MRTFA: variants seen among roughly 807,000 people sequenced by gnomAD.
MRTFA encodes the protein myocardin-related transcription factor A.
In MRTFA, 20 loss-of-function variants were observed where a neutral mutation model predicts 83.5. The ratio of observed to expected loss-of-function variants is 0.24; its 90% CI spans 0.17 to 0.35. The LOEUF is 0.35. MRTFA is among the 10% of genes least tolerant of loss of function. The probability of loss-of-function intolerance (pLI) is 1.00; values close to 1 mark genes in which losing one functional copy is unlikely to be tolerated. For missense variants in MRTFA, 1,200 were observed against 1,224.7 expected (o/e 0.98, Z 0.30); for synonymous variants, 659 against 541.2 (o/e 1.22, Z -3.02).
chr22:40,579,214 G>A (rs2055911551), intron 2 of MRTFA, among the ~76,000 whole-genome samples: 1 of 152,186 alleles, frequency 6.6e-6, no homozygotes, highest in Admixed American at 6.5e-5. Context: ...CACGTCTTGT[G>A]AAGGCATGCA....
At position 40,410,314 on chromosome 22, in the gene MRTFA, A is replaced by G. The variant is rs2052452684; in HGVS notation, c.*1076T>C. 2.5e-6 allele frequency: 1 copy of G among 407,638 alleles called. No homozygotes were observed. The highest frequency in any genetic ancestry group is 2.1e-5 in the African/African-American group (1 of 48,306). 25.3% of individuals were successfully genotyped at this position (407,638 alleles called of 1,614,324 possible). A position where few individuals can be genotyped will look rare whatever the true frequency, so the allele number is the denominator to read the frequency against. Reference sequence around the variant, plus strand: ...CTGTGTTTTTGTGTTTATTTTAAAAAGTTCACACACCTTCCCCATCTTTGT... The same window carrying G: ...CTGTGTTTTTGTGTTTATTTTAAAAGGTTCACACACCTTCCCCATCTTTGT... On this transcript the variant is annotated 3_prime_UTR_variant, in exon 15 of 15. Coordinates refer to ENST00000355630, the MANE Select transcript of MRTFA (RefSeq NM_020831.6).
At chr22:40,435,390 C>A (rs187156700) in intron 5 of MRTFA, 109 bp downstream of exon 5, 1 of 1,212,634 alleles carries the variant, frequency 8.2e-7, no homozygotes, top group East Asian at 2.3e-5. Flanking sequence ...GTCTAGCAGG[C>A]TCTGGCCTCA....
intron 3 of MRTFA, among the ~76,000 whole-genome samples, chr22:40,535,943 C>G (rs143804633): frequency 1.3e-5 from 2 of 151,982 alleles, no homozygotes; most frequent in East Asian, 3.9e-4. Context: ...CTTAGCAATT[C>G]CACACCCACT....
In MRTFA at chr22:40,430,309, G is replaced by A. The variant is rs552478790; in HGVS notation, c.440-542C>T. ...TCGAGACCAGCCTGATCAATATGGT[G>A]AAACTCTGTCTGTACTAAAAATACA... On this transcript the variant is annotated intron_variant, in intron 6 of 14. Transcript: ENST00000355630. Among the ~76,000 whole-genome samples, 2 of 151,794 alleles carry A rather than the reference G, an allele frequency of 1.3e-5. 1 individual carries two copies. Among genetic ancestry groups the A allele is most frequent in the South Asian group, 4.2e-4 (2 of 4,806 alleles).
Position 40,420,540 on chromosome 22 carries a change from G to T in MRTFA, c.1218C>A (p.Pro406=). The change falls in exon 11 of 15, where the codon CCC becomes CCA. Residue 406 remains proline (P), a synonymous_variant. Transcript: ENST00000355630. ...TGGTAGTGGAGAGGCTGCGTACTGG[G>T]GGGGTCCCGCTGCTTCCCAGGGCCT... 1 of 1,613,660 alleles carries T rather than the reference G, an allele frequency of 6.2e-7. No individual in the cohort carries two copies. The highest frequency in any genetic ancestry group is 1.1e-5 in the South Asian group (1 of 91,078).
intron 3 of MRTFA, among the ~76,000 whole-genome samples, chr22:40,530,118 A>C (rs1044942063): frequency 6.6e-6 from 1 of 152,188 alleles, no homozygotes; most frequent in Non-Finnish European, 1.5e-5. Flanking sequence ...TATAACTAAG[A>C]GGACTGCACT....
chr22:40,508,622 T>C lies in MRTFA; in HGVS notation c.241+43484A>G, dbSNP rs377222314. ...GAAATCTTTGGCCTCACAGTTGAGG[T>C]TGTCTCTCAATTGGAAGTTTCTTTA... is the stretch of plus-strand genomic sequence containing the variant. On this transcript the variant is annotated intron_variant, in intron 3 of 14. Coordinates refer to ENST00000355630, the MANE Select transcript of MRTFA (RefSeq NM_020831.6). Among the ~76,000 whole-genome samples the C allele has an allele frequency of 2.8e-4, 42 of 151,698 alleles. 1 individual carries two copies. In the South Asian group the frequency reaches 8.8e-3, roughly 32 times the overall value.
intron 14 of MRTFA, 190 bp from the exon 15 acceptor site, chr22:40,412,097 G>C (rs2052564331): frequency 2.2e-6 from 1 of 450,156 alleles, no homozygotes; most frequent in East Asian, 3.6e-5. Context: ...ATTTGATAAA[G>C]AAGTGATATC....
At chr22:40,430,358 T>C (rs1480671220) in intron 6 of MRTFA, among the ~76,000 whole-genome samples, 1 of 151,668 alleles carries the variant, frequency 6.6e-6, no homozygotes, top group Non-Finnish European at 1.5e-5. Context: ...CGTGGTGGCA[T>C]GTGCCTGTAG....
chr22:40,507,101 G>A (rs1266881693), intron 3 of MRTFA, among the ~76,000 whole-genome samples: 2 of 152,124 alleles, frequency 1.3e-5, no homozygotes, highest in African/African-American at 2.4e-5. Context: ...TGGTTCAAAC[G>A]TGTAAAACCA....
chr22:40,452,897 A>G (rs2053521760), intron 4 of MRTFA, among the ~76,000 whole-genome samples: 1 of 152,126 alleles, frequency 6.6e-6, no homozygotes, highest in Admixed American at 6.5e-5. Context: ...CCGAACCATG[A>G]ATACACTCAG....
In MRTFA at chr22:40,411,185, T is replaced by G. The variant is rs575663724; in HGVS notation, c.*205A>C. On this transcript the variant is annotated 3_prime_UTR_variant, in exon 15 of 15. Coordinates refer to ENST00000355630, the MANE Select transcript of MRTFA (RefSeq NM_020831.6). ...CCCCAGCGTGAGAGCCAGGGCTGCT[T>G]CTTGACAGCTGCTCTCCTCTGCCCT... The G allele has an allele frequency of 1.0e-5, 5 of 479,324 alleles. No individual in the cohort carries two copies. The highest frequency in any genetic ancestry group is 6.1e-5 in the South Asian group (1 of 16,494). 29.7% of individuals were successfully genotyped at this position (479,324 alleles called of 1,614,324 possible).
intron 2 of MRTFA, among the ~76,000 whole-genome samples, chr22:40,565,909 T>C (rs1007524397): frequency 6.6e-6 from 1 of 152,192 alleles, no homozygotes; most frequent in Non-Finnish European, 1.5e-5. Context: ...CTAAGACGTA[T>C]ATTTACCTAA....
chr22:40,422,515 C>T (rs1041736757), intron 9 of MRTFA, among the ~76,000 whole-genome samples: 2 of 152,194 alleles, frequency 1.3e-5, no homozygotes, highest in African/African-American at 4.8e-5. Flanking sequence ...AGGCAGCACC[C>T]GGGCAGGCAG....
chr22:40,613,328 T>C (rs1315180635), intron 1 of MRTFA, among the ~76,000 whole-genome samples: 1 of 152,194 alleles, frequency 6.6e-6, no homozygotes, highest in Admixed American at 6.5e-5. Flanking sequence ...TGACTGTATG[T>C]TTTCATTTCT....
At chr22:40,571,304 G>A (rs2055789531) in intron 2 of MRTFA, among the ~76,000 whole-genome samples, 1 of 152,078 alleles carries the variant, frequency 6.6e-6, no homozygotes, top group African/African-American at 2.4e-5. Flanking sequence ...TGTAAGAGAT[G>A]AAAATGTAAA....
intron 4 of MRTFA, among the ~76,000 whole-genome samples, chr22:40,438,540 T>C (rs2053214151): frequency 6.6e-6 from 1 of 152,166 alleles, no homozygotes; most frequent in Non-Finnish European, 1.5e-5. Context: ...GGTGCACCAC[T>C]AGTGGAGGAC....
At chr22:40,486,686 G>A (rs945565054) in intron 3 of MRTFA, among the ~76,000 whole-genome samples, 13 of 152,166 alleles carry the variant, frequency 8.5e-5, no homozygotes, top group Admixed American at 2.6e-4. Context: ...CTTTAAGTTC[G>A]TATTAAGAAG....
intron 7 of MRTFA, among the ~76,000 whole-genome samples, chr22:40,425,752 C>G (rs1466300454): frequency 6.6e-6 from 1 of 152,196 alleles, no homozygotes; most frequent in East Asian, 1.9e-4. Context: ...GACAGCAGCC[C>G]CATGGCAGCC....
Sources: gnomAD v4.1 joint callset for allele counts (sites outside exome capture counted in the v4.1 genomes callset) on GRCh38, gnomAD v4.1.1 for gene constraint, MANE v1.5 for transcripts, NCBI Gene and HGNC (gene_info 2026-07-23, HGNC 2026-07-21) for gene names.